VTI1A: variants seen among roughly 807,000 people sequenced by gnomAD.
VTI1A encodes the protein vesicle transport through interaction with t-SNAREs homolog 1A.
In VTI1A, 22 loss-of-function variants were observed where a neutral mutation model predicts 34.9. The ratio of observed to expected loss-of-function variants is 0.63; its 90% CI spans 0.45 to 0.90. VTI1A has a LOEUF of 0.90. VTI1A is among the 40% of genes least tolerant of loss of function. VTI1A has a pLI of 0.00. For missense variants in VTI1A, 268 were observed against 275.6 expected (o/e 0.97, Z 0.20); for synonymous variants, 87 against 97.3 (o/e 0.89, Z 0.62).
At position 112,581,851 on chromosome 10, in the gene VTI1A, T is replaced by C. The variant is rs572875238; in HGVS notation, c.427+43521T>C. Among the ~76,000 whole-genome samples the C allele has an allele frequency of 3.3e-5, 5 of 152,324 alleles. No homozygotes were observed. In the South Asian group the frequency reaches 1.0e-3, roughly 32 times the overall value. On this transcript the variant is annotated intron_variant, in intron 5 of 7. Coordinates refer to ENST00000393077, the MANE Select transcript of VTI1A (RefSeq NM_145206.4). ...AGGTTGATAGTATCACAACCTAATA[T>C]GTGGAAAGAAGAAACTTAATAGGCA...
intron 7 of VTI1A, among the ~76,000 whole-genome samples, chr10:112,712,028 G>T (rs1473132250): frequency 6.6e-6 from 1 of 151,786 alleles, no homozygotes; most frequent in Non-Finnish European, 1.5e-5. Flanking sequence ...CCAGTAAAAG[G>T]AGCCTCAGCA....
At chr10:112,482,175 A>C (rs1267101880) in intron 3 of VTI1A, among the ~76,000 whole-genome samples, 1 of 152,194 alleles carries the variant, frequency 6.6e-6, no homozygotes, top group Non-Finnish European at 1.5e-5. Flanking sequence ...AAAGCAAAAT[A>C]ATTGTTATTT....
chr10:112,672,482 T>C (rs1276000593), intron 7 of VTI1A, among the ~76,000 whole-genome samples: 1 of 152,324 alleles, frequency 6.6e-6, no homozygotes, highest in East Asian at 1.9e-4. Context: ...GACAAACTGT[T>C]CATTTCCTAA....
chr10:112,585,411 T>A (rs1844107448), intron 5 of VTI1A, among the ~76,000 whole-genome samples: 1 of 152,216 alleles, frequency 6.6e-6, no homozygotes, highest in African/African-American at 2.4e-5. Flanking sequence ...GCACCAGTTT[T>A]GACATCTGAA....
intron 7 of VTI1A, among the ~76,000 whole-genome samples, chr10:112,721,785 A>G (rs1456512803): frequency 6.6e-6 from 1 of 151,330 alleles, no homozygotes; most frequent in Non-Finnish European, 1.5e-5. Context: ...GCTAATTTTG[A>G]ACCCATATAA....
At position 112,815,355 on chromosome 10, in the gene VTI1A, C is replaced by T. The variant is rs773314032; in HGVS notation, c.626C>T (p.Ala209Val). ...GIIVVITILM[A>V]ITFSVRRH ...ATCGTGGTCATCACCATCCTGATGG[C>T]GATCACTTTTTCTGTCAGAAGACAC... The change falls in exon 8 of 8, where the codon GCG becomes GTG. Residue 209 changes from alanine to valine, a missense_variant. Ala to Val is a moderately conservative substitution (Grantham distance 64). Transcript: ENST00000393077. 5.0e-6 allele frequency: 8 copies of T among 1,613,852 alleles called. No homozygotes were observed. The highest frequency in any genetic ancestry group is 3.3e-5 in the South Asian group (3 of 91,068).
At chr10:112,776,212 G>C (rs906524590) in intron 7 of VTI1A, among the ~76,000 whole-genome samples, 1 of 152,244 alleles carries the variant, frequency 6.6e-6, no homozygotes. Flanking sequence ...GGGCAGATCA[G>C]TGTGTTCAAC....
chr10:112,488,861 A>AT (rs1355026384), intron 3 of VTI1A, among the ~76,000 whole-genome samples: 1 of 152,218 alleles, frequency 6.6e-6, no homozygotes, highest in Non-Finnish European at 1.5e-5. Flanking sequence ...AAACTACAGT[A>AT]TTATATCTTA....
chr10:112,497,194 T>C (rs1234602661), intron 3 of VTI1A, among the ~76,000 whole-genome samples: 1 of 152,050 alleles, frequency 6.6e-6, no homozygotes, highest in Non-Finnish European at 1.5e-5. Flanking sequence ...GGCAAGCACC[T>C]GTAATCCCAG....
intron 7 of VTI1A, among the ~76,000 whole-genome samples, chr10:112,790,763 C>CA (rs1852437054): frequency 1.6e-5 from 2 of 125,790 alleles, no homozygotes; most frequent in East Asian, 2.5e-4. Flanking sequence ...CACTAAAAGA[C>CA]GTTTTTTTTT....
At chr10:112,640,570 A>AC (rs1469767891) in intron 5 of VTI1A, among the ~76,000 whole-genome samples, 1 of 151,928 alleles carries the variant, frequency 6.6e-6, no homozygotes, top group Non-Finnish European at 1.5e-5. Flanking sequence ...ACAAAAAAAA[A>AC]CCCCACTAGC....
At position 112,774,973 on chromosome 10, in the gene VTI1A, G is replaced by A. The variant is rs535389380; in HGVS notation, c.561-40317G>A. Among the ~76,000 whole-genome samples the A allele has an allele frequency of 2.6e-5, 4 of 152,208 alleles. No homozygotes were observed. In the South Asian group the frequency reaches 6.2e-4, roughly 24 times the overall value. ...GACCGAAGCAATGAAATAAGCTTTC[G>A]ACGCCTGAGAACAATGACGCCTGTG... On this transcript the variant is annotated intron_variant, in intron 7 of 7. Coordinates refer to ENST00000393077, the MANE Select transcript of VTI1A (RefSeq NM_145206.4).
chr10:112,604,145 A>G (rs745795825), intron 5 of VTI1A, among the ~76,000 whole-genome samples: 8 of 152,172 alleles, frequency 5.3e-5, no homozygotes, highest in Non-Finnish European at 1.2e-4. Flanking sequence ...TTAATTTTGC[A>G]TAGTGGGTGC....
chr10:112,498,328 TA>T (rs1849100323), intron 3 of VTI1A, among the ~76,000 whole-genome samples: 1 of 152,192 alleles, frequency 6.6e-6, no homozygotes, highest in Non-Finnish European at 1.5e-5. Context: ...TATAAAATGT[TA>T]ATATATATTT....
chr10:112,735,256 C>G (rs1260752479), intron 7 of VTI1A, among the ~76,000 whole-genome samples: 3 of 152,142 alleles, frequency 2.0e-5, no homozygotes, highest in Admixed American at 6.5e-5. Flanking sequence ...GTGTGATAGA[C>G]TCGATTGAAT....
the VTI1A span, chr10:112,827,200 A>C: frequency 6.6e-6 from 1 of 152,256 alleles, no homozygotes; most frequent in Non-Finnish European, 1.5e-5. Context: ...TAGTCACATT[A>C]AACTGAGATC....
chr10:112,568,886 G>C (rs747239037), intron 5 of VTI1A, among the ~76,000 whole-genome samples: 14 of 152,120 alleles, frequency 9.2e-5, no homozygotes, highest in Non-Finnish European at 1.6e-4. Flanking sequence ...TGGGCGCGGT[G>C]GCTAATGCCT....
upstream of VTI1A, chr10:112,447,175 C>G (rs112946836): frequency 3.6e-6 from 2 of 552,636 alleles, no homozygotes; most frequent in African/African-American, 1.9e-5. Context: ...GAAAATAAAG[C>G]ACGCACGCAA....
chr10:112,526,247 A>G (rs1256770544), intron 3 of VTI1A, among the ~76,000 whole-genome samples: 1 of 152,196 alleles, frequency 6.6e-6, no homozygotes, highest in Non-Finnish European at 1.5e-5. Flanking sequence ...GCTTGCAGAC[A>G]TGTCCCTCTG....
Sources: gnomAD v4.1 joint callset for allele counts (sites outside exome capture counted in the v4.1 genomes callset) on GRCh38, gnomAD v4.1.1 for gene constraint, MANE v1.5 for transcripts, NCBI Gene and HGNC (gene_info 2026-07-23, HGNC 2026-07-21) for gene names.